Variants in STPG2 observed in about 807,000 individuals in gnomAD.
The protein encoded by STPG2 is sperm-tail PG-rich repeat-containing protein 2.
In STPG2, 56 loss-of-function variants were observed where a neutral mutation model predicts 54.2. The ratio of observed to expected loss-of-function variants is 1.03; its 90% CI spans 0.83 to 1.29. STPG2 has a LOEUF of 1.29. Among genes scored for constraint, STPG2 ranks in the 50% most tolerant of loss-of-function variants. The pLI is 0.00. For missense variants in STPG2, 596 were observed against 544.9 expected (o/e 1.09, Z -0.93); for synonymous variants, 200 against 181.8 (o/e 1.10, Z -0.81).
In STPG2 at chr4:97,919,731, T is replaced by C. The variant is rs565012967; in HGVS notation, c.1044+24166A>G. On this transcript the variant is annotated intron_variant, in intron 8 of 10. Coordinates refer to ENST00000295268, the MANE Select transcript of STPG2 (RefSeq NM_174952.3). ...CTTTAACAGTGAATTCTTATAAATA[T>C]TTAAGAAAGAATAACTCAATCTTGG... Among the ~76,000 whole-genome samples the C allele has an allele frequency of 2.0e-5, 3 of 152,228 alleles. No homozygotes were observed. The East Asian group carries it at 5.8e-4, about 29-fold the overall frequency.
At chr4:97,678,579 C>T (rs1722927309) in intron 10 of STPG2, among the ~76,000 whole-genome samples, 1 of 151,886 alleles carries the variant, frequency 6.6e-6, no homozygotes, top group Non-Finnish European at 1.5e-5. Flanking sequence ...TATTATCATG[C>T]CCATTTTATT....
In STPG2 at chr4:98,102,772, A is replaced by G. The variant is rs1739081421; in HGVS notation, c.612+3181T>C. Among the ~76,000 whole-genome samples the G allele has an allele frequency of 2.7e-5, 4 of 150,714 alleles. No homozygotes were observed. In the Admixed American group the frequency reaches 2.7e-4, roughly 10 times the overall value. Reference sequence around the variant, plus strand: ...TTACCATCAAAGTTCTGGTGGTAGAAGGTGGTAGAGGCATTGAATATTATA... The same window carrying G: ...TTACCATCAAAGTTCTGGTGGTAGAGGGTGGTAGAGGCATTGAATATTATA... On this transcript the variant is annotated intron_variant, in intron 5 of 10. Coordinates refer to ENST00000295268, the MANE Select transcript of STPG2 (RefSeq NM_174952.3).
intron 9 of STPG2, among the ~76,000 whole-genome samples, chr4:97,764,169 CAT>C (rs982194503): frequency 6.6e-6 from 1 of 151,644 alleles, no homozygotes; most frequent in East Asian, 1.9e-4. Flanking sequence ...CACACACACA[CAT>C]AGGCACATGC....
intron 4 of STPG2, among the ~76,000 whole-genome samples, chr4:97,532,800 A>G (rs956497242): frequency 2.0e-5 from 3 of 152,220 alleles, no homozygotes; most frequent in African/African-American, 7.2e-5. Flanking sequence ...GAAGATACAC[A>G]TTTAAACACT....
chr4:98,010,246 C>A (rs1560633768), intron 5 of STPG2, among the ~76,000 whole-genome samples: 1 of 152,072 alleles, frequency 6.6e-6, no homozygotes, highest in South Asian at 2.1e-4. Flanking sequence ...AAAATTCCCT[C>A]TTGACACTGC....
chr4:97,477,193 T>G (rs904407119), intron 4 of STPG2, among the ~76,000 whole-genome samples: 2 of 152,206 alleles, frequency 1.3e-5, no homozygotes, highest in Non-Finnish European at 2.9e-5. Context: ...TGTTACTATT[T>G]TATTTTACAG....
At chr4:97,987,924 C>T (rs967261094) in intron 5 of STPG2, among the ~76,000 whole-genome samples, 3 of 151,938 alleles carry the variant, frequency 2.0e-5, no homozygotes, top group African/African-American at 7.3e-5. Context: ...AGTGAAGCAG[C>T]TGTTCCACAA....
intron 5 of STPG2, among the ~76,000 whole-genome samples, chr4:98,091,335 TG>T (rs1170316951): frequency 6.6e-6 from 1 of 152,072 alleles, no homozygotes; most frequent in Non-Finnish European, 1.5e-5. Flanking sequence ...ATGAATCAAC[TG>T]CTTAAAATGT....
chr4:97,633,216 T>G (rs1382000815), intron 10 of STPG2, among the ~76,000 whole-genome samples: 2 of 152,194 alleles, frequency 1.3e-5, no homozygotes, highest in Admixed American at 6.5e-5. Flanking sequence ...TGACAGTCTT[T>G]GATGCTTCTA....
At chr4:97,524,907 T>C (rs768540191) in intron 4 of STPG2, among the ~76,000 whole-genome samples, 1 of 151,984 alleles carries the variant, frequency 6.6e-6, no homozygotes, top group African/African-American at 2.4e-5. Context: ...CTCAAACTGA[T>C]TGAAACATCA....
chr4:98,125,483 C>A (rs950497386), intron 3 of STPG2, among the ~76,000 whole-genome samples: 2 of 152,148 alleles, frequency 1.3e-5, no homozygotes, highest in South Asian at 2.1e-4. Context: ...GTCCCTCCCC[C>A]ACCTGGAGGC....
chr4:97,697,793 G>GTGT (rs1392862827), intron 10 of STPG2, among the ~76,000 whole-genome samples: 1 of 152,182 alleles, frequency 6.6e-6, no homozygotes, highest in Non-Finnish European at 1.5e-5. Context: ...ACTGCTTAAG[G>GTGT]TGTTCCTAAA....
At chr4:97,509,236 T>A (rs1469600385) in intron 4 of STPG2, among the ~76,000 whole-genome samples, 3 of 152,078 alleles carry the variant, frequency 2.0e-5, no homozygotes, top group Non-Finnish European at 4.4e-5. Context: ...TTTGACTTTT[T>A]TTTTTTCCCC....
rs924288927 is a variant in STPG2 at position 97,929,555 on chromosome 4, T to C, written c.1044+14342A>G. 2.9e-4 allele frequency among the ~76,000 whole-genome samples: 44 copies of C among 152,330 alleles called. 1 individual carries two copies. Among genetic ancestry groups the C allele is most frequent in the African/African-American group, 1.0e-3 (43 of 41,584 alleles). On this transcript the variant is annotated intron_variant, in intron 8 of 10. Coordinates refer to ENST00000295268, the MANE Select transcript of STPG2 (RefSeq NM_174952.3). ...TAGAATCTTTTATTTTTTCACTTCT[T>C]AATAATAGCCTTTCTCACTGGTGTC... is the stretch of plus-strand genomic sequence containing the variant.
intron 5 of STPG2, among the ~76,000 whole-genome samples, chr4:97,997,496 G>T (rs1010626560): frequency 2.1e-4 from 32 of 152,134 alleles, no homozygotes; most frequent in Admixed American, 1.4e-3. Context: ...TACCAAGGGG[G>T]TGGTGCTAAA....
intron 5 of STPG2, among the ~76,000 whole-genome samples, chr4:98,033,473 C>G (rs907495418): frequency 1.3e-5 from 2 of 151,866 alleles, no homozygotes; most frequent in Non-Finnish European, 2.9e-5. Context: ...AGCCTACCAA[C>G]CAAAAAATGT....
chr4:98,029,128 G>A (rs1303124940), intron 5 of STPG2, among the ~76,000 whole-genome samples: 6 of 152,100 alleles, frequency 3.9e-5, no homozygotes, highest in Non-Finnish European at 7.4e-5. Context: ...AATGTTCTAT[G>A]TGCATGTAGA....
intron 8 of STPG2, among the ~76,000 whole-genome samples, chr4:97,883,409 TAGAGAG>T: frequency 6.7e-6 from 1 of 148,228 alleles, no homozygotes; most frequent in South Asian, 2.1e-4. Context: ...AAAAAAAAAA[TAGAGAG>T]AGAGAGAAAG....
intron 8 of STPG2, among the ~76,000 whole-genome samples, chr4:97,903,046 T>G (rs1731238649): frequency 6.6e-6 from 1 of 152,134 alleles, no homozygotes; most frequent in South Asian, 2.1e-4. Flanking sequence ...AGTAGAAGGA[T>G]GGTTACTAGG....
Sources: allele counts gnomAD v4.1 joint callset (sites outside exome capture counted in the v4.1 genomes callset), GRCh38; gene constraint gnomAD v4.1.1; transcripts MANE v1.5; gene names NCBI Gene and HGNC (gene_info 2026-07-23, HGNC 2026-07-21).